Variants in IQCJ observed in about 807,000 individuals in gnomAD.
IQCJ encodes IQ domain-containing protein J.
In IQCJ, 9 loss-of-function variants were observed where a neutral mutation model predicts 11.0. The observed-to-expected ratio is 0.82, with a 90% confidence interval of 0.49 to 1.43. The LOEUF (loss-of-function observed/expected upper bound fraction) is 1.43, where lower values mean the gene tolerates loss of function less well. Ranked by LOEUF, IQCJ falls within the 40% of genes most tolerant of loss-of-function variation. The pLI, the probability that IQCJ is intolerant of heterozygous loss-of-function variation, is 0.00. For missense variants in IQCJ, 146 were observed against 133.2 expected, an observed-to-expected ratio of 1.10 and a Z score of -0.47; for synonymous variants, 55 against 51.3, an observed-to-expected ratio of 1.07 and a Z score of -0.31.
chr3:159,087,177 G>A (rs867623827), intron 1 of IQCJ, among the ~76,000 whole-genome samples: 17 of 152,090 alleles, frequency 1.1e-4, no homozygotes, highest in South Asian at 2.1e-4. Flanking sequence ...TGAGATAATC[G>A]TGTGGTTTTT....
chr3:159,104,208 C>G (rs192627235), intron 1 of IQCJ, among the ~76,000 whole-genome samples: 1 of 152,342 alleles, frequency 6.6e-6, no homozygotes, highest in African/African-American at 2.4e-5. Flanking sequence ...CACTTCAGCC[C>G]TCTTGTTGTT....
At chr3:159,148,003 T>C (rs948533632) in intron 1 of IQCJ, among the ~76,000 whole-genome samples, 1 of 152,216 alleles carries the variant, frequency 6.6e-6, no homozygotes, top group Non-Finnish European at 1.5e-5. Context: ...TGCAAATCCT[T>C]GGGCCCCACC....
chr3:159,147,515 A>G (rs975666422), intron 1 of IQCJ, among the ~76,000 whole-genome samples: 8 of 152,194 alleles, frequency 5.3e-5, no homozygotes, highest in African/African-American at 1.4e-4. Flanking sequence ...TATACTCTCA[A>G]TAGCAGACTG....
intron 1 of IQCJ, among the ~76,000 whole-genome samples, chr3:159,101,011 A>G (rs1472685009): frequency 3.1e-3 from 58 of 18,846 alleles, no homozygotes; most frequent in African/African-American, 0.012. Flanking sequence ...CTGTGCTAGC[A>G]ATCAGCGAGA....
intron 1 of IQCJ, 33 bp downstream of exon 1, chr3:159,069,474 T>G (rs1559971876): frequency 6.2e-7 from 1 of 1,603,052 alleles, no homozygotes; most frequent in Non-Finnish European, 8.5e-7. Context: ...CGTGCCACTT[T>G]GATGTGCATT....
chr3:159,084,882 G>C (rs1307321496), intron 1 of IQCJ, among the ~76,000 whole-genome samples: 1 of 150,430 alleles, frequency 6.6e-6, no homozygotes, highest in Non-Finnish European at 1.5e-5. Flanking sequence ...GCACATCCTA[G>C]TTACTTGTTA....
chr3:159,248,360 G>T (rs980408933), intron 2 of IQCJ, among the ~76,000 whole-genome samples: 1 of 152,174 alleles, frequency 6.6e-6, no homozygotes, highest in South Asian at 2.1e-4. Flanking sequence ...TGAAGTTTCT[G>T]TTCATTTATT....
At chr3:159,135,049 A>G (rs1412735486) in intron 1 of IQCJ, among the ~76,000 whole-genome samples, 2 of 152,184 alleles carry the variant, frequency 1.3e-5, no homozygotes, top group Admixed American at 6.6e-5. Context: ...AGGCTGGCCA[A>G]TAGAGGGAGG....
chr3:159,248,105 T>G (rs1245293388), intron 2 of IQCJ, among the ~76,000 whole-genome samples: 1 of 152,198 alleles, frequency 6.6e-6, no homozygotes, highest in Admixed American at 6.5e-5. Context: ...GACAAAATTT[T>G]TAACCATCTT....
chr3:159,078,218 AG>A (rs1716072254), intron 1 of IQCJ, among the ~76,000 whole-genome samples: 1 of 150,710 alleles, frequency 6.6e-6, no homozygotes, highest in African/African-American at 2.4e-5. Context: ...AATATTACAC[AG>A]GGGACTTTTT....
chr3:159,240,654 A>G (rs1577106596), intron 1 of IQCJ, among the ~76,000 whole-genome samples: 1 of 152,328 alleles, frequency 6.6e-6, no homozygotes, highest in Middle Eastern at 3.4e-3. Flanking sequence ...CAACATACAT[A>G]AAAAGTAATT....
intron 1 of IQCJ, among the ~76,000 whole-genome samples, chr3:159,173,420 G>A (rs917777312): frequency 7.9e-5 from 12 of 152,140 alleles, no homozygotes; most frequent in African/African-American, 2.4e-4. Flanking sequence ...GTAGAAACGT[G>A]TTGATTTATA....
At position 159,069,441 on chromosome 3, in the gene IQCJ, G is replaced by A; in HGVS notation, c.9G>A (p.Leu3=). The change falls in exon 1 of 4, where the codon CTG becomes CTA. Residue 3 remains leucine (L), a splice_region_variant and synonymous_variant. Coordinates refer to ENST00000397832, the MANE Select transcript of IQCJ (RefSeq NM_001042706.3). MR[L]EELKRLQNPL... ...GTTCCAGAAACTTCAAAATGCGTCT[G>A]GTAATGTATTTGCTTTTCTAAACGT... 6.2e-7 allele frequency: 1 copy of A among 1,608,760 alleles called. No individual in the cohort carries two copies. The highest frequency in any genetic ancestry group is 1.3e-5 in the African/African-American group (1 of 74,708).
chr3:159,081,706 G>A (rs1223851607), intron 1 of IQCJ, among the ~76,000 whole-genome samples: 2 of 151,906 alleles, frequency 1.3e-5, no homozygotes, highest in African/African-American at 4.8e-5. Context: ...CTTCTTCACA[G>A]TCCTTCCGAA....
At chr3:159,145,216 C>T (rs1720856995) in intron 1 of IQCJ, among the ~76,000 whole-genome samples, 1 of 152,064 alleles carries the variant, frequency 6.6e-6, no homozygotes, top group Non-Finnish European at 1.5e-5. Context: ...TGGTGATTTC[C>T]CTACTGATGT....
At chr3:159,232,909 G>A (rs2108157304) in intron 1 of IQCJ, among the ~76,000 whole-genome samples, 1 of 152,238 alleles carries the variant, frequency 6.6e-6, no homozygotes, top group Non-Finnish European at 1.5e-5. Flanking sequence ...GTGGGGGTTG[G>A]CTGAGAGCTG....
intron 1 of IQCJ, among the ~76,000 whole-genome samples, chr3:159,235,366 A>G (rs1202608504): frequency 6.6e-6 from 1 of 152,234 alleles, no homozygotes; most frequent in Non-Finnish European, 1.5e-5. Flanking sequence ...GTAATGAGCC[A>G]GTTCTTCATT....
chr3:159,120,375 C>T (rs1157309797), intron 1 of IQCJ, among the ~76,000 whole-genome samples: 1 of 152,220 alleles, frequency 6.6e-6, no homozygotes, highest in African/African-American at 2.4e-5. Context: ...GGTTCTGTTG[C>T]TTTCCAGAAG....
chr3:159,253,805 A>G lies in IQCJ; in HGVS notation c.155+998A>G, dbSNP rs557102167. Among the ~76,000 whole-genome samples the G allele has an allele frequency of 2.6e-5, 4 of 152,376 alleles. No individual in the cohort carries two copies. The South Asian group carries it at 8.3e-4, about 32-fold the overall frequency. On this transcript the variant is annotated intron_variant, in intron 3 of 3. Transcript: ENST00000397832. ...CCTTGAGGTGTGTACAACGTTGAAC[A>G]ACACCAAGTTGTTGCTGGACTTAGG...
Sources: gnomAD v4.1 joint callset for allele counts (sites outside exome capture counted in the v4.1 genomes callset) on GRCh38, gnomAD v4.1.1 for gene constraint, MANE v1.5 for transcripts, NCBI Gene and HGNC (gene_info 2026-07-23, HGNC 2026-07-21) for gene names.